NEK1: variants seen among roughly 807,000 people sequenced by gnomAD.
NEK1 encodes the protein NIMA related kinase 1, also known as serine/threonine-protein kinase Nek1.
In NEK1, 137 loss-of-function variants were observed where a neutral mutation model predicts 182.1. The observed-to-expected ratio is 0.75, with a 90% CI of 0.65 to 0.87. The LOEUF is 0.87. Ranked by LOEUF, NEK1 falls within the 40% of genes least tolerant of loss-of-function variation. The pLI is 0.00. For missense variants in NEK1, 1,391 were observed against 1,494.4 expected, an observed-to-expected ratio of 0.93 and a Z score of 1.14; for synonymous variants, 513 against 492.2, an observed-to-expected ratio of 1.04 and a Z score of -0.56.
chr4:169,400,322 A>T lies in NEK1; in HGVS notation c.3750T>A (p.Ile1250=). Residue 1250 remains isoleucine (I), a synonymous_variant, in exon 35 of 36, where the codon ATT becomes ATA. Transcript: ENST00000507142. ...AAATATTTTGAACTATTTTTGAACAAATTTCAATATTTTCATCTTCATCTT... is the reference window on the plus strand; with the variant it reads ...AAATATTTTGAACTATTTTTGAACATATTTCAATATTTTCATCTTCATCTT... ...IHEDEDENIE[I]CSKIVQNILG... 1 of 1,536,542 alleles carries T rather than the reference A, an allele frequency of 6.5e-7. No homozygotes were observed. Among genetic ancestry groups the T allele is most frequent in the Non-Finnish European group, 8.8e-7 (1 of 1,135,468 alleles).
intron 19 of NEK1, among the ~76,000 whole-genome samples, chr4:169,509,719 T>C (rs184642038): frequency 6.6e-6 from 1 of 152,112 alleles, no homozygotes; most frequent in Non-Finnish European, 1.5e-5. Flanking sequence ...AATTTATATA[T>C]GCATTTTTTT....
chr4:169,463,747 C>T (rs1439631298), intron 26 of NEK1, among the ~76,000 whole-genome samples: 1 of 152,042 alleles, frequency 6.6e-6, no homozygotes, highest in Non-Finnish European at 1.5e-5. Flanking sequence ...GAAATATGTG[C>T]ATATACATAA....
At chr4:169,573,687 T>G (rs930566165) in intron 12 of NEK1, among the ~76,000 whole-genome samples, 17 of 152,172 alleles carry the variant, frequency 1.1e-4, no homozygotes, top group African/African-American at 3.6e-4. Context: ...GACAGATGTT[T>G]TGGAGGCAGA....
intron 2 of NEK1, among the ~76,000 whole-genome samples, chr4:169,610,344 C>T (rs530294498): frequency 6.6e-6 from 1 of 151,626 alleles, no homozygotes; most frequent in East Asian, 1.9e-4. Context: ...AGACAAGCCT[C>T]ACTCAGTCGC....
intron 31 of NEK1, among the ~76,000 whole-genome samples, chr4:169,419,514 A>G (rs930625449): frequency 6.6e-6 from 1 of 152,210 alleles, no homozygotes; most frequent in Admixed American, 6.5e-5. Context: ...TAAAAGATAA[A>G]TGAATGTTTA....
At chr4:169,561,649 C>T (rs1044701346) in intron 15 of NEK1, 38 bp downstream of exon 15, 2 of 1,574,312 alleles carry the variant, frequency 1.3e-6, no homozygotes, top group Non-Finnish European at 1.7e-6. Flanking sequence ...CAGTGTATTC[C>T]TTAAGAAAAA....
chr4:169,480,606 T>TACTG (rs1747814513), intron 23 of NEK1, among the ~76,000 whole-genome samples: 1 of 151,878 alleles, frequency 6.6e-6, no homozygotes, highest in Admixed American at 6.6e-5. Flanking sequence ...TACTGATGGC[T>TACTG]ACTGACTGAT....
intron 31 of NEK1, among the ~76,000 whole-genome samples, chr4:169,417,897 T>G (rs1296799891): frequency 1.3e-5 from 2 of 152,204 alleles, no homozygotes; most frequent in Admixed American, 1.3e-4. Flanking sequence ...CTTGCTAGAC[T>G]GATGAGACAA....
At chr4:169,470,450 A>G (rs1745744686) in intron 26 of NEK1, among the ~76,000 whole-genome samples, 2 of 151,964 alleles carry the variant, frequency 1.3e-5, no homozygotes, top group African/African-American at 4.8e-5. Flanking sequence ...ATTGGCCCCC[A>G]CTCTATTCTG....
intron 19 of NEK1, among the ~76,000 whole-genome samples, chr4:169,528,010 G>A (rs10428434): frequency 0.19 from 29,421 of 151,884 alleles, 4,283 homozygotes; most frequent in African/African-American, 0.41. Context: ...AACAGTACAC[G>A]ACAGAAGCTG....
chr4:169,454,602 A>C (rs1404535944), intron 27 of NEK1, among the ~76,000 whole-genome samples: 1 of 152,250 alleles, frequency 6.6e-6, no homozygotes, highest in South Asian at 2.1e-4. Context: ...TGATCATTAG[A>C]GAAATGCAAA....
chr4:169,501,401 T>C (rs896647117), intron 23 of NEK1, among the ~76,000 whole-genome samples: 4 of 152,198 alleles, frequency 2.6e-5, no homozygotes, highest in African/African-American at 9.7e-5. Context: ...CAGTTGGTCC[T>C]AATTAGCATC....
intron 12 of NEK1, among the ~76,000 whole-genome samples, chr4:169,565,892 G>C (rs977078875): frequency 2.0e-5 from 3 of 152,178 alleles, no homozygotes; most frequent in African/African-American, 7.2e-5. Context: ...AGATCGTTAT[G>C]CAACTCTATA....
chr4:169,482,895 A>T (rs1016650929), intron 23 of NEK1, among the ~76,000 whole-genome samples: 1 of 152,114 alleles, frequency 6.6e-6, no homozygotes. Context: ...TCGGCCTCCC[A>T]ACATGCTGGG....
At chr4:169,492,245 ATC>A (rs1319260272) in intron 23 of NEK1, among the ~76,000 whole-genome samples, 4 of 152,226 alleles carry the variant, frequency 2.6e-5, no homozygotes, top group South Asian at 2.1e-4. Context: ...GACTACGGAC[ATC>A]TCATGCCCGT....
chr4:169,468,802 T>C (rs1745394912), intron 26 of NEK1, among the ~76,000 whole-genome samples: 1 of 152,180 alleles, frequency 6.6e-6, no homozygotes, highest in African/African-American at 2.4e-5. Context: ...GAACTTGTTA[T>C]TGGTCTATTT....
intron 12 of NEK1, among the ~76,000 whole-genome samples, chr4:169,563,076 C>T (rs562855856): frequency 2.0e-5 from 3 of 151,916 alleles, no homozygotes; most frequent in Non-Finnish European, 2.9e-5. Context: ...TATTTGGGGG[C>T]GGGACTGATG....
chr4:169,518,402 CTTTA>C (rs1755482651), intron 19 of NEK1, among the ~76,000 whole-genome samples: 1 of 139,154 alleles, frequency 7.2e-6, no homozygotes, highest in African/African-American at 3.1e-5. Context: ...CTCTTTTTTT[CTTTA>C]TTAGTCTTAA....
chr4:169,412,963 T>C (rs1335192620), intron 31 of NEK1, among the ~76,000 whole-genome samples: 2 of 151,418 alleles, frequency 1.3e-5, no homozygotes, highest in African/African-American at 2.4e-5. Context: ...GAGATTGAGA[T>C]TGAATGTCTC....
Sources: allele counts gnomAD v4.1 joint callset (sites outside exome capture counted in the v4.1 genomes callset), GRCh38; gene constraint gnomAD v4.1.1; transcripts MANE v1.5; gene names NCBI Gene and HGNC (gene_info 2026-07-23, HGNC 2026-07-21).